The following MCTP1 variants were observed in gnomAD, a reference collection of about 807,000 sequenced individuals.
The protein encoded by MCTP1 is multiple C2 and transmembrane domain-containing protein 1.
A neutral mutation model predicts 120.6 loss-of-function variants in MCTP1; 69 were observed. That is an observed-to-expected ratio of 0.57 (90% CI 0.47 to 0.70). MCTP1 has a LOEUF of 0.70. Among genes scored for constraint, MCTP1 ranks in the 30% least tolerant of loss-of-function variants. The probability of loss-of-function intolerance (pLI) is 0.00; values close to 1 mark genes in which losing one functional copy is unlikely to be tolerated. For synonymous variants in MCTP1, 529 were observed against 493.1 expected, an observed-to-expected ratio of 1.07 and a Z score of -0.96; for missense variants, 1,203 against 1,248.8, an observed-to-expected ratio of 0.96 and a Z score of 0.55.
chr5:95,070,328 T>C (rs1036765846), intron 1 of MCTP1, among the ~76,000 whole-genome samples: 1 of 149,012 alleles, frequency 6.7e-6, no homozygotes, highest in Non-Finnish European at 1.5e-5. Context: ...TCAGCACTGC[T>C]GAGTGCAACA....
chr5:95,273,919 C>T (rs770746053), intron 1 of MCTP1, among the ~76,000 whole-genome samples: 8 of 152,204 alleles, frequency 5.3e-5, no homozygotes, highest in South Asian at 2.1e-4. Flanking sequence ...CCCCTGATCC[C>T]GCAAATCTTT....
chr5:94,805,195 A>G (rs1441517360), intron 17 of MCTP1, among the ~76,000 whole-genome samples: 1 of 152,248 alleles, frequency 6.6e-6, no homozygotes, highest in Non-Finnish European at 1.5e-5. Flanking sequence ...AATCAGTATT[A>G]TCTTGCCTAT....
intron 12 of MCTP1, among the ~76,000 whole-genome samples, chr5:94,886,872 CGT>C (rs369897697): frequency 1.3e-5 from 2 of 151,448 alleles, no homozygotes; most frequent in Non-Finnish European, 1.5e-5. Context: ...TACATGTGTG[CGT>C]GTGTGTGTGT....
intron 1 of MCTP1, among the ~76,000 whole-genome samples, chr5:95,265,596 A>T: frequency 6.6e-6 from 1 of 152,166 alleles, no homozygotes; most frequent in East Asian, 1.9e-4. Context: ...AGAGTACACT[A>T]CTGCTGGTGC....
At chr5:94,930,493 C>T (rs575537990) in intron 6 of MCTP1, among the ~76,000 whole-genome samples, 297 of 151,746 alleles carry the variant, frequency 2.0e-3, no homozygotes, top group Non-Finnish European at 3.7e-3. Flanking sequence ...AGGCTGGTCT[C>T]GAACTCCTGA....
chr5:95,107,906 T>C (rs985782222), intron 1 of MCTP1, among the ~76,000 whole-genome samples: 1 of 152,222 alleles, frequency 6.6e-6, no homozygotes, highest in Admixed American at 6.5e-5. Context: ...GTTTGTTACA[T>C]AGGTAAACGT....
chr5:95,084,476 GA>G (rs1367757342), intron 1 of MCTP1, among the ~76,000 whole-genome samples: 14 of 151,128 alleles, frequency 9.3e-5, no homozygotes, highest in Admixed American at 4.6e-4. Context: ...GAGAGACAGA[GA>G]GAGGAAGCTG....
chr5:94,939,992 G>T, intron 5 of MCTP1, 92 bp downstream of exon 5: 1 of 628,724 alleles, frequency 1.6e-6, no homozygotes, highest in Non-Finnish European at 2.7e-6. Context: ...ATTTTCATAG[G>T]CAGCTTCTCT....
intron 1 of MCTP1, among the ~76,000 whole-genome samples, chr5:95,056,647 A>G (rs1299057675): frequency 1.3e-5 from 2 of 152,168 alleles, no homozygotes; most frequent in African/African-American, 4.8e-5. Context: ...CTGAGTCTCT[A>G]CTAAGTGTAT....
intron 1 of MCTP1, among the ~76,000 whole-genome samples, chr5:95,058,548 T>C (rs895985009): frequency 1.3e-5 from 2 of 152,226 alleles, no homozygotes; most frequent in African/African-American, 4.8e-5. Context: ...TTTCCAGAAC[T>C]GTTACGGGGT....
intron 1 of MCTP1, among the ~76,000 whole-genome samples, chr5:95,152,967 G>A (rs544582717): frequency 6.6e-6 from 1 of 152,178 alleles, no homozygotes; most frequent in Non-Finnish European, 1.5e-5. Context: ...ATATGGGCAT[G>A]TGGTCCTGTA....
chr5:95,027,635 G>A (rs1839498216), intron 1 of MCTP1, among the ~76,000 whole-genome samples: 1 of 152,166 alleles, frequency 6.6e-6, no homozygotes, highest in Admixed American at 6.5e-5. Context: ...CCAAAGCACA[G>A]TAATGACAAT....
intron 1 of MCTP1, among the ~76,000 whole-genome samples, chr5:95,145,850 C>A (rs973584211): frequency 6.6e-6 from 1 of 152,006 alleles, no homozygotes; most frequent in Non-Finnish European, 1.5e-5. Context: ...CTGAAGTTTT[C>A]TTTTTTCATG....
chr5:95,045,204 C>T (rs749250992), intron 1 of MCTP1, among the ~76,000 whole-genome samples: 16 of 152,192 alleles, frequency 1.1e-4, no homozygotes, highest in Non-Finnish European at 2.2e-4. Flanking sequence ...GCAGGACTAG[C>T]TCCTTCTCAT....
intron 1 of MCTP1, among the ~76,000 whole-genome samples, chr5:95,264,817 C>T (rs1467196480): frequency 2.0e-5 from 3 of 152,100 alleles, no homozygotes; most frequent in Admixed American, 1.3e-4. Flanking sequence ...CTGACAGCCA[C>T]CAGTAGAGAG....
chr5:94,781,406 C>T (rs990001659), intron 18 of MCTP1, among the ~76,000 whole-genome samples: 2 of 152,086 alleles, frequency 1.3e-5, no homozygotes, highest in Admixed American at 1.3e-4. Flanking sequence ...GTGAATGCAT[C>T]ATCTACCCTT....
At chr5:94,856,405 A>T (rs1794731388) in intron 17 of MCTP1, among the ~76,000 whole-genome samples, 1 of 151,582 alleles carries the variant, frequency 6.6e-6, no homozygotes, top group Non-Finnish European at 1.5e-5. Flanking sequence ...CAAACACAAT[A>T]AAAAAAATCT....
chr5:95,043,917 C>T (rs1842756353), intron 1 of MCTP1, among the ~76,000 whole-genome samples: 1 of 152,194 alleles, frequency 6.6e-6, no homozygotes, highest in African/African-American at 2.4e-5. Context: ...CCATTTCCAG[C>T]TCTGCCTGCT....
At chr5:94,927,767 T>A (rs1813536655) in intron 6 of MCTP1, among the ~76,000 whole-genome samples, 1 of 152,184 alleles carries the variant, frequency 6.6e-6, no homozygotes, top group African/African-American at 2.4e-5. Context: ...GTGTCAGGTT[T>A]AACTACTACG....
Sources: gnomAD v4.1 joint callset for allele counts (sites outside exome capture counted in the v4.1 genomes callset) on GRCh38, gnomAD v4.1.1 for gene constraint, MANE v1.5 for transcripts, NCBI Gene and HGNC (gene_info 2026-07-23, HGNC 2026-07-21) for gene names.